The following ABHD10 variants were observed in gnomAD, a reference collection of about 807,000 sequenced individuals.
ABHD10 encodes the protein abhydrolase domain containing 10, depalmitoylase.
A neutral mutation model predicts 33.1 loss-of-function variants in ABHD10; 22 were observed. The observed-to-expected ratio is 0.66, with a 90% CI of 0.47 to 0.95. ABHD10 has a LOEUF of 0.95. Among genes scored for constraint, ABHD10 ranks in the 40% least tolerant of loss-of-function variants. ABHD10 has a pLI of 0.00. For missense variants in ABHD10, 352 were observed against 379.9 expected (o/e 0.93, Z 0.61); for synonymous variants, 146 against 133.9 (o/e 1.09, Z -0.62).
rs1433643668 is a variant in ABHD10 at position 111,991,442 on chromosome 3, T to C, written c.642T>C (p.Val214=). ...CATCAAAATACTCTGAAGAAGGAGT[T>C]TATAACGTTCAGTACAGTTTCATTA... ...SMPSKYSEEG[V]YNVQYSFIKE... is the part of the protein sequence containing the mutation. Residue 214 remains valine (V), a synonymous_variant, in exon 5 of 5, where the codon GTT becomes GTC. Coordinates refer to ENST00000273359, the MANE Select transcript of ABHD10 (RefSeq NM_018394.4). 6.2e-7 allele frequency: 1 copy of C among 1,613,666 alleles called. No individual in the cohort carries two copies. Among genetic ancestry groups the C allele is most frequent in the Non-Finnish European group, 8.5e-7 (1 of 1,179,828 alleles).
rs1353875011 is a variant in ABHD10 at position 111,979,068 on chromosome 3, G to A, written c.7G>A (p.Val3Ile). The change falls in exon 1 of 5, where the codon GTT (valine) becomes ATT (isoleucine). Residue 3 changes from valine to isoleucine, a missense_variant. Transcript: ENST00000273359. Reference protein sequence around the residue: MAVARLAAVAAWV... With the variant: MAIARLAAVAAWV... ...TGCGGGGACAACTACGAAGATGGCG[G>A]TTGCGCGCTTGGCAGCTGTGGCGGC... 3 of 1,612,868 alleles carry A rather than the reference G, an allele frequency of 1.9e-6. No homozygotes were observed. Among genetic ancestry groups the A allele is most frequent in the East Asian group, 2.2e-5 (1 of 44,850 alleles).
chr3:111,986,416 C>A, intron 3 of ABHD10, 41 bp downstream of exon 3: 1 of 1,386,690 alleles, frequency 7.2e-7, no homozygotes, highest in Non-Finnish European at 1.0e-6. Context: ...ACTGTAACCT[C>A]GTATTTAAGC....
chr3:111,979,462 A>T (rs567561241), intron 1 of ABHD10, among the ~76,000 whole-genome samples: 1 of 152,214 alleles, frequency 6.6e-6, no homozygotes, highest in African/African-American at 2.4e-5. Flanking sequence ...CCTGCTCCTT[A>T]CCTGCCTCCC....
At chr3:111,979,233 C>T in intron 1 of ABHD10, 30 bp downstream of exon 1, 1 of 1,571,252 alleles carries the variant, frequency 6.4e-7, no homozygotes, top group African/African-American at 1.4e-5. Flanking sequence ...GAGTAGGATG[C>T]GTTCTTTCGA....
intron 2 of ABHD10, among the ~76,000 whole-genome samples, chr3:111,983,589 A>C (rs898976691): frequency 6.6e-6 from 1 of 152,180 alleles, no homozygotes; most frequent in African/African-American, 2.4e-5. Flanking sequence ...ATTGCACTTT[A>C]TTATAAGAGA....
rs1010772493 is a variant in ABHD10, at chr3:111,992,824, A to G, written c.*1103A>G. 5 of 152,232 alleles carry G rather than the reference A, an allele frequency of 3.3e-5. No homozygotes were observed. Among genetic ancestry groups the G allele is most frequent in the African/African-American group, 7.2e-5 (3 of 41,464 alleles). 9.4% of individuals were successfully genotyped at this position (152,232 alleles called of 1,614,324 possible). Reference sequence around the variant, plus strand: ...GATAGTAAACCTGGTTCAAAGTACAATTCAAGAAACTGAGTATTTATGGGC... The same window carrying G: ...GATAGTAAACCTGGTTCAAAGTACAGTTCAAGAAACTGAGTATTTATGGGC... On this transcript the variant is annotated 3_prime_UTR_variant, in exon 5 of 5. Transcript: ENST00000273359.
intron 2 of ABHD10, among the ~76,000 whole-genome samples, chr3:111,983,797 G>A (rs1033642772): frequency 1.3e-5 from 2 of 152,102 alleles, no homozygotes; most frequent in Admixed American, 1.3e-4. Flanking sequence ...ATGGTTTTAA[G>A]GCTGGTATTC....
In ABHD10 at chr3:111,992,838, G is replaced by A. The variant is rs1283741509; in HGVS notation, c.*1117G>A. On this transcript the variant is annotated 3_prime_UTR_variant, in exon 5 of 5. Coordinates refer to ENST00000273359, the MANE Select transcript of ABHD10 (RefSeq NM_018394.4). ...TTCAAAGTACAATTCAAGAAACTGA[G>A]TATTTATGGGCATTGAAGAAAAAAT... is the stretch of plus-strand genomic sequence containing the variant. 1 of 152,176 alleles carries A rather than the reference G, an allele frequency of 6.6e-6. No individual in the cohort carries two copies. Among genetic ancestry groups the A allele is most frequent in the South Asian group, 2.1e-4 (1 of 4,832 alleles). 9.4% of individuals were successfully genotyped at this position (152,176 alleles called of 1,614,324 possible). A position where few individuals can be genotyped will look rare whatever the true frequency, so the allele number is the denominator to read the frequency against.
intron 2 of ABHD10, among the ~76,000 whole-genome samples, chr3:111,984,296 A>T (rs1209031245): frequency 6.6e-6 from 1 of 152,172 alleles, no homozygotes; most frequent in African/African-American, 2.4e-5. Flanking sequence ...AGAAAAATTT[A>T]ATTTCTTCTC....
chr3:111,981,307 G>A (rs2072581019), intron 1 of ABHD10, among the ~76,000 whole-genome samples: 1 of 101,088 alleles, frequency 9.9e-6, no homozygotes, highest in Non-Finnish European at 1.8e-5. Flanking sequence ...GTGAGACCCT[G>A]TCTCAAAAAA....
In ABHD10 at chr3:111,986,387, G is replaced by A. The variant is rs1285211948; in HGVS notation, c.438+12G>A. 7 of 1,550,044 alleles carry A rather than the reference G, an allele frequency of 4.5e-6. No homozygotes were observed. Among genetic ancestry groups the A allele is most frequent in the Non-Finnish European group, 6.2e-6 (7 of 1,125,126 alleles). ...CTGATGGGCCACAGGTGACTGTTTT[G>A]TTAAGTATGATGATAATTACTGTAA... is the stretch of plus-strand genomic sequence containing the variant. On this transcript the variant is annotated intron_variant, in intron 3 of 4. Coordinates refer to ENST00000273359, the MANE Select transcript of ABHD10 (RefSeq NM_018394.4).
intron 2 of ABHD10, 133 bp downstream of exon 2, chr3:111,982,100 T>G: frequency 1.3e-6 from 1 of 775,616 alleles, no homozygotes. Flanking sequence ...ACTTGCATCT[T>G]GTGATTTAGG....
chr3:111,990,667 C>T, intron 4 of ABHD10: 1 of 1,115,908 alleles, frequency 9.0e-7, no homozygotes, highest in Non-Finnish European at 1.2e-6. Context: ...CTTTGTCATC[C>T]AGAACAAAAA....
rs2072586957 is a variant in ABHD10, at chr3:111,981,672, A to C, written c.143-112A>C. ...TTCTTGTTTTTTCTATTAAATGGAA[A>C]TAGTATTTAACATCAATTCATTGAG... On this transcript the variant is annotated intron_variant, in intron 1 of 4. Coordinates refer to ENST00000273359, the MANE Select transcript of ABHD10 (RefSeq NM_018394.4). The C allele has an allele frequency of 3.1e-6, 3 of 957,788 alleles. No homozygotes were observed. In the Admixed American group the frequency reaches 7.6e-5, roughly 24 times the overall value. 59.3% of individuals were successfully genotyped at this position (957,788 alleles called of 1,614,324 possible).
At position 111,979,046 on chromosome 3, in the gene ABHD10, G is replaced by C; in HGVS notation, c.-16G>C. Reference sequence around the variant, plus strand: ...CCCTCAGTGGGACACTGCAGGGTGCGGGGACAACTACGAAGATGGCGGTTG... The same window carrying C: ...CCCTCAGTGGGACACTGCAGGGTGCCGGGACAACTACGAAGATGGCGGTTG... On this transcript the variant is annotated 5_prime_UTR_variant, in exon 1 of 5. Transcript: ENST00000273359. The C allele has an allele frequency of 1.9e-6, 3 of 1,611,096 alleles. No individual in the cohort carries two copies. The highest frequency in any genetic ancestry group is 2.5e-6 in the Non-Finnish European group (3 of 1,178,622).
rs891681348 is a variant in ABHD10 at position 111,981,407 on chromosome 3, G to C, written c.143-377G>C. On this transcript the variant is annotated intron_variant, in intron 1 of 4. Coordinates refer to ENST00000273359, the MANE Select transcript of ABHD10 (RefSeq NM_018394.4). ...AAACAAAGCCAAAAATCTCACAAGA[G>C]AGGGCTGAAACTATTGCGGGTAAAT... 3.9e-5 allele frequency among the ~76,000 whole-genome samples: 6 copies of C among 151,912 alleles called. No homozygotes were observed. The East Asian group carries it at 1.2e-3, about 29-fold the overall frequency.
chr3:111,990,814 T>C, intron 4 of ABHD10: 1 of 903,488 alleles, frequency 1.1e-6, no homozygotes, highest in Non-Finnish European at 1.5e-6. Flanking sequence ...CTGTGTTTGA[T>C]TCTTTCTCTT....
chr3:111,986,166 A>G (rs893245282), intron 2 of ABHD10, 98 bp from the exon 3 acceptor site: 2 of 635,760 alleles, frequency 3.1e-6, no homozygotes, highest in Non-Finnish European at 5.4e-6. Flanking sequence ...ATGTTTCACT[A>G]TAAGCATTAT....
intron 4 of ABHD10, among the ~76,000 whole-genome samples, 155 bp downstream of exon 4, chr3:111,987,206 C>T (rs1418856487): frequency 6.6e-6 from 1 of 152,214 alleles, no homozygotes; most frequent in African/African-American, 2.4e-5. Context: ...CTGTACACAA[C>T]CTCTTTTCTA....
Sources: allele counts gnomAD v4.1 joint callset (sites outside exome capture counted in the v4.1 genomes callset), GRCh38; gene constraint gnomAD v4.1.1; transcripts MANE v1.5; gene names NCBI Gene and HGNC (gene_info 2026-07-23, HGNC 2026-07-21).